Variants in KANK3 observed in about 807,000 individuals in gnomAD.
KANK3 encodes the protein KN motif and ankyrin repeat domain-containing protein 3.
In KANK3, 61 loss-of-function variants were observed where a neutral mutation model predicts 65.4. That is an observed-to-expected ratio of 0.93 (90% CI 0.76 to 1.15). KANK3 has a LOEUF of 1.15. Among genes scored for constraint, KANK3 ranks in the 50% most tolerant of loss-of-function variants. The pLI is 0.00. For synonymous variants in KANK3, 586 were observed against 543.3 expected (o/e 1.08, Z -1.09); for missense variants, 1,187 against 1,178.8 (o/e 1.01, Z -0.10).
At chr19:8,332,169 TTTTTG>T (rs1314639326) in intron 7 of KANK3, among the ~76,000 whole-genome samples, 3 of 151,294 alleles carry the variant, frequency 2.0e-5, no homozygotes, top group Admixed American at 6.6e-5. Context: ...AGTTTCTGCT[TTTTTG>T]TTTTGTTTTG....
At chr19:8,329,881 G>C (rs1397397681) in intron 7 of KANK3, among the ~76,000 whole-genome samples, 2 of 152,206 alleles carry the variant, frequency 1.3e-5, no homozygotes, top group Admixed American at 1.3e-4. Flanking sequence ...CCAGACTCAG[G>C]CAGGTAGGAA....
At chr19:8,323,026 C>A in intron 10 of KANK3, 104 bp from the exon 11 acceptor site, 2 of 639,786 alleles carry the variant, frequency 3.1e-6, no homozygotes, top group Admixed American at 7.2e-5. Flanking sequence ...TACCATGGAC[C>A]CAGGCTGCCT....
intron 1 of KANK3, among the ~76,000 whole-genome samples, 193 bp downstream of exon 1, chr19:8,343,032 C>T (rs1267693787): frequency 6.6e-6 from 1 of 152,170 alleles, no homozygotes; most frequent in African/African-American, 2.4e-5. Flanking sequence ...CAGAGCCCCC[C>T]ACTCTGCTCG....
At chr19:8,329,492 C>CAAAAAAAAAAAAAAAAAA (rs59607185) in intron 7 of KANK3, among the ~76,000 whole-genome samples, 1 of 51,106 alleles carries the variant, frequency 2.0e-5, no homozygotes, top group African/African-American at 7.3e-5. Context: ...GACTCGGCCT[C>CAAAAAAAAAAAAAAAAAA]AAAAAAAAAA....
intron 7 of KANK3, among the ~76,000 whole-genome samples, chr19:8,326,559 G>A (rs1307696828): frequency 4.7e-5 from 7 of 149,474 alleles, no homozygotes; most frequent in East Asian, 2.0e-4. Flanking sequence ...AGGCTGAGGC[G>A]GGCGGATCAT....
Position 8,333,713 on chromosome 19 carries a change from G to A in KANK3, c.1719+11C>T, listed in dbSNP as rs2913954. On this transcript the variant is annotated intron_variant, in intron 6 of 10. Coordinates refer to ENST00000330915, the MANE Select transcript of KANK3 (RefSeq NM_198471.3). This position sits in a 1 kb window ranked among gnomAD's most constrained non-coding sequence, Gnocchi z 5.0. ...CGCCACTCCCTGGTGCTGCGCTCCC[G>A]GGGCACTCACGCCGTCGCTGGCTAC... 0.2 allele frequency: 287,789 copies of A among 1,447,008 alleles called. 30,455 individuals carry two copies. Among genetic ancestry groups the A allele is most frequent in the Non-Finnish European group, 0.22 (241,293 of 1,097,478 alleles). 89.6% of individuals were successfully genotyped at this position (1,447,008 alleles called of 1,614,324 possible). A position where few individuals can be genotyped will look rare whatever the true frequency, so the allele number is the denominator to read the frequency against.
intron 7 of KANK3, 21 bp from the exon 8 acceptor site, chr19:8,325,117 G>C (rs774936573): frequency 6.3e-7 from 1 of 1,599,640 alleles, no homozygotes; most frequent in Admixed American, 1.7e-5. Flanking sequence ...AAAGGGGGCC[G>C]TCCACGGAGA....
chr19:8,328,439 A>C (rs1970467280), intron 7 of KANK3, among the ~76,000 whole-genome samples: 1 of 148,224 alleles, frequency 6.7e-6, no homozygotes, highest in South Asian at 2.1e-4. Flanking sequence ...ACACACTCAA[A>C]ACTACACATT....
intron 1 of KANK3, among the ~76,000 whole-genome samples, chr19:8,339,628 G>A (rs1970696596): frequency 6.6e-6 from 1 of 152,114 alleles, no homozygotes; most frequent in Admixed American, 6.6e-5. Context: ...CCAAAGTGCT[G>A]GGATTACAGG....
intron 1 of KANK3, among the ~76,000 whole-genome samples, chr19:8,339,043 T>A (rs557270996): frequency 1.1e-4 from 17 of 152,036 alleles, no homozygotes; most frequent in Non-Finnish European, 2.2e-4. Context: ...GCTAGCGGAG[T>A]GTCACAGGCT....
intron 10 of KANK3, chr19:8,323,404 A>C (rs1351715465): frequency 1.3e-5 from 2 of 154,824 alleles, no homozygotes; most frequent in East Asian, 3.9e-4. Context: ...GAAGTCAAAA[A>C]ATTGTAAGTT....
chr19:8,326,631 CA>C (rs1206711323), intron 7 of KANK3, among the ~76,000 whole-genome samples: 22,210 of 128,278 alleles, frequency 0.17, 1,938 homozygotes, highest in Non-Finnish European at 0.23. Flanking sequence ...ACTAAAAATA[CA>C]AAAAAAAAAA....
chr19:8,337,266 C>T (rs1336567141), intron 2 of KANK3, among the ~76,000 whole-genome samples: 1 of 143,152 alleles, frequency 7.0e-6, no homozygotes, highest in African/African-American at 2.6e-5. Context: ...TGCAGTGGCA[C>T]AATCTCTGCT....
At chr19:8,341,625 G>T (rs1292624657) in intron 1 of KANK3, among the ~76,000 whole-genome samples, 2 of 152,136 alleles carry the variant, frequency 1.3e-5, no homozygotes, top group Non-Finnish European at 2.9e-5. Context: ...TGGCCAGGCT[G>T]GTCTCAAACC....
intron 1 of KANK3, among the ~76,000 whole-genome samples, chr19:8,339,332 C>CGCAACATA (rs988704877): frequency 1.2e-4 from 18 of 151,192 alleles, no homozygotes; most frequent in African/African-American, 4.1e-4. Context: ...GACCCACCTG[C>CGCAACATA]GCAACATAGC....
intron 7 of KANK3, among the ~76,000 whole-genome samples, chr19:8,330,231 G>A (rs1338732353): frequency 3.3e-5 from 5 of 152,164 alleles, no homozygotes; most frequent in Admixed American, 1.3e-4. Context: ...TAGTGTATGT[G>A]ACAGCAAGCA....
intron 2 of KANK3, 33 bp downstream of exon 2, chr19:8,337,761 AC>A: frequency 6.4e-7 from 1 of 1,565,678 alleles, no homozygotes; most frequent in East Asian, 2.3e-5. Flanking sequence ...GTGCATGCGC[AC>A]ACACACACAC....
At chr19:8,341,791 T>C (rs1393886290) in intron 1 of KANK3, among the ~76,000 whole-genome samples, 3 of 152,180 alleles carry the variant, frequency 2.0e-5, no homozygotes, top group Non-Finnish European at 4.4e-5. Flanking sequence ...GCACCTGACC[T>C]TGACTTATTT....
At chr19:8,337,621 C>T (rs1807414) in intron 2 of KANK3, among the ~76,000 whole-genome samples, 174 bp downstream of exon 2, 20,836 of 152,078 alleles carry the variant, frequency 0.14, 1,626 homozygotes, top group Middle Eastern at 0.22. Context: ...GCTGGGATTA[C>T]AGGCATGAGC....
Sources: allele counts gnomAD v4.1 joint callset (sites outside exome capture counted in the v4.1 genomes callset), GRCh38; gene constraint gnomAD v4.1.1; non-coding constraint Gnocchi (gnomAD v3.1); transcripts MANE v1.5; gene names NCBI Gene and HGNC (gene_info 2026-07-23, HGNC 2026-07-21).